Variants in CCDC33 observed in about 807,000 individuals in gnomAD.
The protein encoded by CCDC33 is coiled-coil domain-containing protein 33.
CCDC33 carries 94 observed loss-of-function variants against 91.9 expected under a neutral mutation model. That is an observed-to-expected ratio of 1.02 (90% CI 0.87 to 1.21). CCDC33 has a LOEUF of 1.21. CCDC33 is among the 50% of genes most tolerant of loss of function. CCDC33 has a pLI of 0.00. For synonymous variants in CCDC33, 396 were observed against 374.5 expected, an observed-to-expected ratio of 1.06 and a Z score of -0.66; for missense variants, 940 against 935.5, an observed-to-expected ratio of 1.00 and a Z score of -0.06.
At chr15:74,321,223 T>C (rs2060200068) in intron 11 of CCDC33, among the ~76,000 whole-genome samples, 2 of 152,158 alleles carry the variant, frequency 1.3e-5, no homozygotes, top group African/African-American at 4.8e-5. Flanking sequence ...ATGTGGTTAA[T>C]TCGCTTTATT....
chr15:74,248,659 G>A (rs2075611757), intron 2 of CCDC33, among the ~76,000 whole-genome samples: 1 of 152,188 alleles, frequency 6.6e-6, no homozygotes, highest in South Asian at 2.1e-4. Context: ...GCCCAAAGAT[G>A]GTGCTTCTCT....
At chr15:74,330,882 TGGTGGAGGATTCAGCAGAGGGGCCGA>T in intron 13 of CCDC33, 73 bp from the exon 14 acceptor site, 3 of 1,515,296 alleles carry the variant, frequency 2.0e-6, no homozygotes, top group Non-Finnish European at 9.0e-7. Context: ...GGGACCAGCC[TGGTGGAGGATTCAGCAGAGGGGCCGA>T]GGTGGACCCT....
At chr15:74,226,603 C>G (rs985681170) in intron 2 of CCDC33, among the ~76,000 whole-genome samples, 1 of 152,010 alleles carries the variant, frequency 6.6e-6, no homozygotes, top group Non-Finnish European at 1.5e-5. Flanking sequence ...TCAAGGCAGG[C>G]AGATCACAAG....
chr15:74,325,548 C>A (rs1442126920), intron 11 of CCDC33, among the ~76,000 whole-genome samples: 1 of 151,246 alleles, frequency 6.6e-6, no homozygotes, highest in African/African-American at 2.4e-5. Context: ...CCATCACAAG[C>A]AGGGACGGTC....
Position 74,269,017 on chromosome 15 carries a change from C to T in CCDC33, c.546+559C>T, listed in dbSNP as rs143949530. On this transcript the variant is annotated intron_variant, in intron 5 of 18. Coordinates refer to ENST00000398814, the MANE Select transcript of CCDC33 (RefSeq NM_025055.5). Reference sequence around the variant, plus strand: ...CATCCAGCAACTGTTTACAGAGCCTCTTCCATTAGCCAGGACAGGGCTGAG... The same window carrying T: ...CATCCAGCAACTGTTTACAGAGCCTTTTCCATTAGCCAGGACAGGGCTGAG... 1.6e-4 allele frequency among the ~76,000 whole-genome samples: 25 copies of T among 152,354 alleles called. No homozygotes were observed. In the East Asian group the frequency reaches 4.4e-3, roughly 27 times the overall value.
intron 6 of CCDC33, 31 bp from the exon 7 acceptor site, chr15:74,272,740 G>A: frequency 6.2e-7 from 1 of 1,611,656 alleles, no homozygotes; most frequent in Non-Finnish European, 8.5e-7. Flanking sequence ...GCAGAGCCCA[G>A]AGCACTGACC....
intron 11 of CCDC33, among the ~76,000 whole-genome samples, chr15:74,317,661 G>T (rs1394421910): frequency 6.6e-6 from 1 of 152,202 alleles, no homozygotes; most frequent in African/African-American, 2.4e-5. Context: ...CCCAGTGCTG[G>T]TCAGCATCTT....
intron 2 of CCDC33, among the ~76,000 whole-genome samples, chr15:74,246,873 G>T (rs540769333): frequency 1.4e-4 from 21 of 152,308 alleles, no homozygotes; most frequent in Non-Finnish European, 7.3e-5. Context: ...CGGGCCGGGC[G>T]CAGTGGCTCA....
chr15:74,217,144 C>T, upstream of CCDC33: 1 of 616,816 alleles, frequency 1.6e-6, no homozygotes, highest in Non-Finnish European at 2.3e-6. Flanking sequence ...CTGGTTTCTC[C>T]TCAAACAAAC....
chr15:74,255,767 C>G (rs1744715167), intron 2 of CCDC33, among the ~76,000 whole-genome samples: 1 of 152,270 alleles, frequency 6.6e-6, no homozygotes. Flanking sequence ...CCAGTTCCCC[C>G]ACTTTCCCCC....
chr15:74,242,981 C>T (rs1436463873), intron 1 of CCDC33, among the ~76,000 whole-genome samples: 1 of 152,228 alleles, frequency 6.6e-6, no homozygotes, highest in Non-Finnish European at 1.5e-5. Flanking sequence ...AAGGCCTCCT[C>T]CTCCCTGCTG....
At chr15:74,305,748 A>G (rs984100983) in intron 11 of CCDC33, among the ~76,000 whole-genome samples, 2 of 152,036 alleles carry the variant, frequency 1.3e-5, no homozygotes, top group African/African-American at 4.8e-5. Context: ...CATTTGTTCG[A>G]CCAGGGTTTT....
At chr15:74,212,086 AG>A in intron 2 of CCDC33, 1 of 152,650 alleles carries the variant, frequency 6.6e-6, no homozygotes, top group Middle Eastern at 3.4e-3. Flanking sequence ...GTGCTGACTC[AG>A]TGCTGCCCCT....
At chr15:74,252,168 T>G (rs2075730044) in intron 2 of CCDC33, among the ~76,000 whole-genome samples, 1 of 152,158 alleles carries the variant, frequency 6.6e-6, no homozygotes, top group Non-Finnish European at 1.5e-5. Context: ...TGGTTACCCC[T>G]TTTGGAAGGG....
chr15:74,333,180 C>T, intron 16 of CCDC33: 2 of 1,483,050 alleles, frequency 1.3e-6, no homozygotes, highest in Non-Finnish European at 1.8e-6. Flanking sequence ...GGAGCATTCC[C>T]TGGTCTTGGT....
chr15:74,322,961 CAG>C (rs1240116012), intron 11 of CCDC33, among the ~76,000 whole-genome samples: 1 of 152,194 alleles, frequency 6.6e-6, no homozygotes, highest in Non-Finnish European at 1.5e-5. Context: ...ACCTCAGACC[CAG>C]CAACCTGTCT....
At chr15:74,288,641 C>G (rs1039494472) in intron 10 of CCDC33, among the ~76,000 whole-genome samples, 1 of 152,186 alleles carries the variant, frequency 6.6e-6, no homozygotes, top group East Asian at 1.9e-4. Context: ...GGGTTTCTCT[C>G]CCCTGTGGTA....
chr15:74,215,408 A>G (rs1018920727), upstream of CCDC33, among the ~76,000 whole-genome samples: 2 of 152,170 alleles, frequency 1.3e-5, no homozygotes, highest in African/African-American at 2.4e-5. Context: ...TAATGGGTGT[A>G]GAGTTTCAGT....
chr15:74,312,586 C>T (rs114273224), intron 11 of CCDC33, among the ~76,000 whole-genome samples: 2,780 of 152,108 alleles, frequency 0.018, 77 homozygotes, highest in African/African-American at 0.064. Flanking sequence ...CGCCTATGTA[C>T]ACAGGCTTCG....
Sources: allele counts gnomAD v4.1 joint callset (sites outside exome capture counted in the v4.1 genomes callset), GRCh38; gene constraint gnomAD v4.1.1; transcripts MANE v1.5; gene names NCBI Gene and HGNC (gene_info 2026-07-23, HGNC 2026-07-21).